KCNJ3: variants seen among roughly 807,000 people sequenced by gnomAD.
The protein encoded by KCNJ3 is G protein-activated inward rectifier potassium channel 1.
In KCNJ3, 4 loss-of-function variants were observed where a neutral mutation model predicts 39.2. The observed-to-expected ratio is 0.10, with a 90% CI of 0.05 to 0.23. The LOEUF (loss-of-function observed/expected upper bound fraction) is 0.23, where lower values mean the gene tolerates loss of function less well. Among genes scored for constraint, KCNJ3 ranks in the 10% least tolerant of loss-of-function variants. The probability of loss-of-function intolerance (pLI) is 1.00; values close to 1 mark genes in which losing one functional copy is unlikely to be tolerated. For synonymous variants in KCNJ3, 230 were observed against 237.4 expected (o/e 0.97, Z 0.29); for missense variants, 276 against 634.9 (o/e 0.43, Z 6.08).
chr2:154,742,733 T>C (rs1231810660), intron 2 of KCNJ3, among the ~76,000 whole-genome samples: 1 of 151,888 alleles, frequency 6.6e-6, no homozygotes, highest in Non-Finnish European at 1.5e-5. Flanking sequence ...TGTTTTTTAA[T>C]AGTTGAGTTT....
At chr2:154,702,954 G>A (rs1040282438) in intron 1 of KCNJ3, among the ~76,000 whole-genome samples, 10 of 151,718 alleles carry the variant, frequency 6.6e-5, no homozygotes, top group South Asian at 2.1e-4. Flanking sequence ...TCATCCAATC[G>A]AAAGTTTTTA....
At chr2:154,841,686 C>G (rs1687579429) in intron 2 of KCNJ3, among the ~76,000 whole-genome samples, 1 of 142,666 alleles carries the variant, frequency 7.0e-6, no homozygotes, top group Non-Finnish European at 1.5e-5. Context: ...AGGAATTTAT[C>G]CATTTTTTTT....
Position 154,709,704 on chromosome 2 carries a change from C to G in KCNJ3, c.804C>G (p.Leu268=), listed in dbSNP as rs764893987. The G allele has an allele frequency of 6.2e-7, 1 of 1,613,946 alleles. No homozygotes were observed. The highest frequency in any genetic ancestry group is 1.7e-5 in the Admixed American group (1 of 59,994). ...GADQLFLVSP[L]TICHVIDAKS... ...ATCAACTTTTTCTTGTGTCCCCCCT[C>G]ACAATTTGCCACGTGATCGATGCCA... Residue 268 remains leucine, a synonymous_variant, in exon 2 of 3, where the codon CTC becomes CTG. Coordinates refer to ENST00000295101, the MANE Select transcript of KCNJ3 (RefSeq NM_002239.4).
intron 2 of KCNJ3, among the ~76,000 whole-genome samples, chr2:154,842,650 A>T (rs762079102): frequency 1.3e-5 from 2 of 152,162 alleles, no homozygotes; most frequent in Non-Finnish European, 2.9e-5. Flanking sequence ...TATATTTAGG[A>T]TAGTTAGCTC....
chr2:154,793,621 A>AG (rs1237721429), intron 2 of KCNJ3, among the ~76,000 whole-genome samples: 19 of 152,100 alleles, frequency 1.2e-4, no homozygotes, highest in African/African-American at 4.6e-4. Context: ...CTAAAGCTGT[A>AG]TCTGTAGTTT....
At chr2:154,844,831 C>G (rs1393674547) in intron 2 of KCNJ3, among the ~76,000 whole-genome samples, 1 of 152,292 alleles carries the variant, frequency 6.6e-6, no homozygotes, top group East Asian at 1.9e-4. Flanking sequence ...AGAAGTGCCT[C>G]ATTTTTCCAG....
At chr2:154,727,890 CTT>C (rs1685387775) in intron 2 of KCNJ3, among the ~76,000 whole-genome samples, 2 of 150,314 alleles carry the variant, frequency 1.3e-5, no homozygotes, top group South Asian at 4.2e-4. Flanking sequence ...AAATAATAAT[CTT>C]GAGTAAAATT....
chr2:154,834,506 T>C (rs1424497575), intron 2 of KCNJ3, among the ~76,000 whole-genome samples: 1 of 151,956 alleles, frequency 6.6e-6, no homozygotes, highest in Middle Eastern at 3.2e-3. Context: ...CCGAGGCGGG[T>C]GGATCACGCG....
chr2:154,769,981 T>C (rs1686209366), intron 2 of KCNJ3, among the ~76,000 whole-genome samples: 1 of 152,190 alleles, frequency 6.6e-6, no homozygotes, highest in South Asian at 2.1e-4. Context: ...TTCAAGCCTT[T>C]TAAAAGACAT....
chr2:154,709,436 G>T, intron 1 of KCNJ3, 167 bp from the exon 2 acceptor site: 1 of 649,890 alleles, frequency 1.5e-6, no homozygotes, highest in Non-Finnish European at 2.7e-6. Context: ...GAGCTATGTG[G>T]GATTTCGGCC....
intron 1 of KCNJ3, among the ~76,000 whole-genome samples, chr2:154,706,727 A>T (rs1685017524): frequency 6.6e-6 from 1 of 152,124 alleles, no homozygotes; most frequent in Non-Finnish European, 1.5e-5. Flanking sequence ...CTAAAGTAGA[A>T]TGTATGTGCT....
In KCNJ3 at chr2:154,698,725, C is replaced by T. The variant is rs770176206; in HGVS notation, c.-51C>T. The T allele has an allele frequency of 1.4e-6, 2 of 1,381,128 alleles. No homozygotes were observed. Among genetic ancestry groups the T allele is most frequent in the Non-Finnish European group, 2.0e-6 (2 of 987,940 alleles). 85.6% of individuals were successfully genotyped at this position (1,381,128 alleles called of 1,614,324 possible). On this transcript the variant is annotated 5_prime_UTR_variant, in exon 1 of 3. Transcript: ENST00000295101. ...CTTATTGGTGCTAGTTTGCAGCGCC[C>T]AGCTCCTGCGCCTTCGCTTCGCGTT...
chr2:154,834,472 C>T (rs971429212), intron 2 of KCNJ3, among the ~76,000 whole-genome samples: 4 of 152,128 alleles, frequency 2.6e-5, no homozygotes, highest in Admixed American at 1.3e-4. Flanking sequence ...TGGCTAACAC[C>T]TGTAATCCCA....
At chr2:154,781,807 A>AT (rs1686444331) in intron 2 of KCNJ3, among the ~76,000 whole-genome samples, 1 of 152,218 alleles carries the variant, frequency 6.6e-6, no homozygotes, top group Non-Finnish European at 1.5e-5. Flanking sequence ...AATGTGGAGT[A>AT]TATCTGTGAC....
chr2:154,795,092 C>T (rs1294082800), intron 2 of KCNJ3, among the ~76,000 whole-genome samples: 2 of 152,178 alleles, frequency 1.3e-5, no homozygotes, highest in African/African-American at 4.8e-5. Flanking sequence ...TCAAGGAAAA[C>T]TGTTCTCTTA....
rs1379876396 is a variant in KCNJ3 at position 154,857,730 on chromosome 2, A to C, written c.*2417A>C. The stretch of plus-strand genomic sequence containing the variant: ...AACCCGTCTCTACTAAAAATACAAA[A>C]ATTAACTGGGCATGGTGGCAGGCAC... On this transcript the variant is annotated 3_prime_UTR_variant, in exon 3 of 3. Transcript: ENST00000295101. The C allele has an allele frequency of 1.3e-5, 2 of 151,472 alleles. No homozygotes were observed. Among genetic ancestry groups the C allele is most frequent in the Non-Finnish European group, 2.9e-5 (2 of 67,944 alleles). 9.4% of individuals were successfully genotyped at this position (151,472 alleles called of 1,614,324 possible).
rs1342313816 is a variant in KCNJ3, at chr2:154,735,253, CT to C, written c.919+25446del. On this transcript the variant is annotated intron_variant, in intron 2 of 2. Coordinates refer to ENST00000295101, the MANE Select transcript of KCNJ3 (RefSeq NM_002239.4). ...AGGGGCCCGCCACCATGCCTGGCTA[CT>C]TTTTTTTTTTTCTTTCTTTCTTTTT... Among the ~76,000 whole-genome samples, 332 of 140,952 alleles carry C rather than the reference CT, an allele frequency of 2.4e-3. 1 individual carries two copies. The highest frequency in any genetic ancestry group is 5.6e-3 in the African/African-American group (214 of 38,506). The allele number at this position is 140,952 out of a possible 152,430, so 92.5% of individuals were successfully genotyped here. A position where few individuals can be genotyped will look rare whatever the true frequency, so the allele number is the denominator to read the frequency against.
chr2:154,782,520 A>G (rs146353430), intron 2 of KCNJ3, among the ~76,000 whole-genome samples: 1,045 of 91,100 alleles, frequency 0.011, 14 homozygotes, highest in African/African-American at 0.036. Flanking sequence ...CCTACAACAT[A>G]CAGGCACACA....
chr2:154,713,009 TAA>T (rs1211810470), intron 2 of KCNJ3, among the ~76,000 whole-genome samples: 1 of 150,678 alleles, frequency 6.6e-6, no homozygotes, highest in Non-Finnish European at 1.5e-5. Flanking sequence ...TTCTGGGAAC[TAA>T]AAAAAAGGTG....
Sources: allele counts gnomAD v4.1 joint callset (sites outside exome capture counted in the v4.1 genomes callset), GRCh38; gene constraint gnomAD v4.1.1; transcripts MANE v1.5; gene names NCBI Gene and HGNC (gene_info 2026-07-23, HGNC 2026-07-21).